The following CACNB4 variants were observed in gnomAD, a reference collection of about 807,000 sequenced individuals.
CACNB4 encodes voltage-dependent L-type calcium channel subunit beta-4.
In CACNB4, 32 loss-of-function variants were observed where a neutral mutation model predicts 71.2. That is an observed-to-expected ratio of 0.45 (90% CI 0.34 to 0.60). CACNB4 has a LOEUF of 0.60. CACNB4 is among the 20% of genes least tolerant of loss of function. The pLI is 0.01. For synonymous variants in CACNB4, 231 were observed against 236.9 expected (o/e 0.97, Z 0.23); for missense variants, 464 against 647.9 (o/e 0.72, Z 3.08).
At chr2:151,912,861 G>A (rs6734486) in intron 2 of CACNB4, among the ~76,000 whole-genome samples, 129,321 of 151,680 alleles carry the variant, frequency 0.85, 56,244 homozygotes, top group Middle Eastern at 0.94. Flanking sequence ...CCTGTACTGG[G>A]TGCATATATA....
chr2:152,052,643 C>A (rs902009878), intron 2 of CACNB4, among the ~76,000 whole-genome samples: 1 of 152,130 alleles, frequency 6.6e-6, no homozygotes, highest in African/African-American at 2.4e-5. Flanking sequence ...ACCCTCTGTA[C>A]TTCATTCCTT....
intron 2 of CACNB4, among the ~76,000 whole-genome samples, chr2:151,982,268 G>A (rs1284388307): frequency 6.6e-6 from 1 of 152,104 alleles, no homozygotes; most frequent in Non-Finnish European, 1.5e-5. Context: ...GCAACTAGAT[G>A]TGACTGTGTT....
At chr2:151,954,783 C>G (rs142317396) in intron 2 of CACNB4, among the ~76,000 whole-genome samples, 1 of 150,720 alleles carries the variant, frequency 6.6e-6, no homozygotes, top group Non-Finnish European at 1.5e-5. Flanking sequence ...AATAAAGAAA[C>G]TATGATACAC....
At chr2:152,093,647 T>C (rs1389914642) in intron 2 of CACNB4, among the ~76,000 whole-genome samples, 2 of 152,012 alleles carry the variant, frequency 1.3e-5, no homozygotes, top group Non-Finnish European at 2.9e-5. Flanking sequence ...ATCCGGGAGC[T>C]CAAGCAACCA....
At chr2:151,867,825 G>C (rs1293267998) in intron 9 of CACNB4, 2 of 152,200 alleles carry the variant, frequency 1.3e-5, no homozygotes, top group African/African-American at 4.8e-5. Flanking sequence ...CCAAATGACA[G>C]AGGGAACAAA....
intron 2 of CACNB4, among the ~76,000 whole-genome samples, chr2:152,007,736 A>G (rs1175158191): frequency 6.6e-6 from 1 of 151,980 alleles, no homozygotes; most frequent in Non-Finnish European, 1.5e-5. Context: ...GCATATATTC[A>G]GAAGTGGAAT....
At chr2:152,053,115 T>TA (rs1210137838) in intron 2 of CACNB4, among the ~76,000 whole-genome samples, 2 of 152,080 alleles carry the variant, frequency 1.3e-5, no homozygotes. Flanking sequence ...GTTTTGAATA[T>TA]AAAAAAGATA....
At chr2:152,090,429 G>A (rs776217352) in intron 2 of CACNB4, among the ~76,000 whole-genome samples, 5 of 152,128 alleles carry the variant, frequency 3.3e-5, no homozygotes, top group African/African-American at 7.2e-5. Flanking sequence ...CGAGGCGGGC[G>A]GATCACCTGA....
chr2:152,026,262 C>G (rs1465217451), intron 2 of CACNB4, among the ~76,000 whole-genome samples: 1 of 152,212 alleles, frequency 6.6e-6, no homozygotes, highest in Non-Finnish European at 1.5e-5. Flanking sequence ...CAATTTTCCT[C>G]CTTCCCTCCT....
intron 2 of CACNB4, among the ~76,000 whole-genome samples, chr2:151,935,337 C>T (rs1163265819): frequency 1.3e-5 from 2 of 152,158 alleles, no homozygotes; most frequent in Admixed American, 6.5e-5. Flanking sequence ...TTTCTTCATT[C>T]GTAATAAGGC....
intron 2 of CACNB4, among the ~76,000 whole-genome samples, chr2:152,087,764 A>C (rs1263056157): frequency 6.6e-6 from 1 of 152,156 alleles, no homozygotes; most frequent in African/African-American, 2.4e-5. Context: ...CTGCAGTCCC[A>C]GCTACTTGGG....
intron 2 of CACNB4, among the ~76,000 whole-genome samples, chr2:151,956,801 A>G (rs922115509): frequency 2.2e-4 from 34 of 152,332 alleles, no homozygotes; most frequent in African/African-American, 7.9e-4. Context: ...TATTTTTACA[A>G]TCAATATAGC....
At chr2:152,076,854 T>C (rs1054258995) in intron 2 of CACNB4, among the ~76,000 whole-genome samples, 1 of 152,206 alleles carries the variant, frequency 6.6e-6, no homozygotes, top group Non-Finnish European at 1.5e-5. Flanking sequence ...TTTGCCTCTT[T>C]GGAGCTTACA....
intron 2 of CACNB4, among the ~76,000 whole-genome samples, chr2:152,055,863 G>C (rs541540582): frequency 1.3e-5 from 2 of 152,222 alleles, no homozygotes; most frequent in South Asian, 4.1e-4. Flanking sequence ...GTGTGACAAA[G>C]AGCAGTCAAG....
intron 2 of CACNB4, among the ~76,000 whole-genome samples, chr2:151,974,586 T>C (rs1004986415): frequency 2.0e-5 from 3 of 152,234 alleles, no homozygotes; most frequent in African/African-American, 7.2e-5. Context: ...TGTTTTTAAA[T>C]CAACTTTAAG....
intron 2 of CACNB4, among the ~76,000 whole-genome samples, chr2:151,999,856 T>G (rs1253038167): frequency 6.6e-6 from 1 of 152,158 alleles, no homozygotes; most frequent in African/African-American, 2.4e-5. Context: ...CTGGCTAGGA[T>G]TCTATTCCCA....
At chr2:151,869,374 C>A (rs2099844022) in intron 8 of CACNB4, 139 bp from the exon 9 acceptor site, 1 of 584,276 alleles carries the variant, frequency 1.7e-6, no homozygotes, top group Non-Finnish European at 3.1e-6. Context: ...GGGGAGGTTA[C>A]CATGGAAGGT....
At chr2:152,077,876 C>G (rs775244295) in intron 2 of CACNB4, among the ~76,000 whole-genome samples, 3 of 152,134 alleles carry the variant, frequency 2.0e-5, no homozygotes, top group Non-Finnish European at 4.4e-5. Context: ...ATATTTTAAA[C>G]CCAACTGAAA....
At chr2:152,071,637 C>T (rs1345097368) in intron 2 of CACNB4, among the ~76,000 whole-genome samples, 2 of 152,146 alleles carry the variant, frequency 1.3e-5, no homozygotes, top group African/African-American at 4.8e-5. Context: ...AAAACTGCTC[C>T]AGATGTTTAT....
Sources: allele counts gnomAD v4.1 joint callset (sites outside exome capture counted in the v4.1 genomes callset), GRCh38; gene constraint gnomAD v4.1.1; transcripts MANE v1.5; gene names NCBI Gene and HGNC (gene_info 2026-07-23, HGNC 2026-07-21).